The following DNAH8 variants were observed in gnomAD, a reference collection of about 807,000 sequenced individuals.
The protein encoded by DNAH8 is dynein axonemal heavy chain 8, also known as axonemal beta dynein heavy chain 8.
Under a neutral mutation model 562.1 loss-of-function variants are expected in DNAH8, and 382 were observed. The observed-to-expected ratio is 0.68, with a 90% CI of 0.63 to 0.74. The LOEUF is 0.74. Ranked by LOEUF, DNAH8 falls within the 30% of genes least tolerant of loss-of-function variation. The pLI, the probability that DNAH8 is intolerant of heterozygous loss-of-function variation, is 0.00. For synonymous variants in DNAH8, 1,881 were observed against 1,919.4 expected (o/e 0.98, Z 0.52); for missense variants, 5,203 against 5,620.4 (o/e 0.93, Z 2.37).
chr6:38,814,061 G>A lies in DNAH8; in HGVS notation c.3265G>A (p.Gly1089Arg), dbSNP rs1416964895. The A allele has an allele frequency of 1.9e-6, 3 of 1,589,526 alleles. No homozygotes were observed. The South Asian group carries it at 3.4e-5, about 18-fold the overall frequency. ...ATGTCCATCTCATTGCAGCCTTTATGGGCGAAAGCAGTCAGAAGATATTAT... is the reference window on the plus strand; with the variant it reads ...ATGTCCATCTCATTGCAGCCTTTATAGGCGAAAGCAGTCAGAAGATATTAT... Reference protein sequence around the residue: ...KRRIFVASLYGRKQSEDIISF... With the variant: ...KRRIFVASLYRRKQSEDIISF... Residue 1089 changes from glycine to arginine, a missense_variant, in exon 25 of 93, where the codon GGG becomes AGG. Physicochemically the swap from Gly to Arg is moderately radical, Grantham distance 125. Around this residue, in one of 6 missense-constraint regions of DNAH8, gnomAD observed 2,176 missense variants for 2,365.1 expected, o/e 0.92. Coordinates refer to ENST00000327475, the MANE Select transcript of DNAH8 (RefSeq NM_001206927.2).
chr6:38,768,254 T>A (rs148734516), intron 11 of DNAH8, among the ~76,000 whole-genome samples: 415 of 152,232 alleles, frequency 2.7e-3, no homozygotes, highest in Middle Eastern at 0.027. Flanking sequence ...CTATTGCTTA[T>A]TTGTCTATTT....
rs1293883888 is a variant in DNAH8, at chr6:38,842,771, T to G, written c.4713T>G (p.Asn1571Lys). ...GTCCTCTACTGGAAATGATGACCAA[T>G]AAGGCCATGAAACAGAGACACTGGG... ...ESCPLLEMMT[N>K]KAMKQRHWDR... The change falls in exon 35 of 93, where the codon AAT becomes AAG. Residue 1571 changes from asparagine to lysine, a missense_variant. Transcript: ENST00000327475. 3 of 1,613,954 alleles carry G rather than the reference T, an allele frequency of 1.9e-6. No individual in the cohort carries two copies. Among genetic ancestry groups the G allele is most frequent in the Non-Finnish European group, 2.5e-6 (3 of 1,179,916 alleles).
At position 38,815,644 on chromosome 6, in the gene DNAH8, G is replaced by T; in HGVS notation, c.3510G>T (p.Leu1170=). ...CCCATCAAAACACAGGAAAACTGCTGAAGAAGGAAGAAAGTAAGAATGTAA... is the reference window on the plus strand; with the variant it reads ...CCCATCAAAACACAGGAAAACTGCTTAAGAAGGAAGAAAGTAAGAATGTAA... ...DVTHQNTGKL[L]KKEERSFEEA... The change falls in exon 26 of 93, where the codon CTG becomes CTT. Residue 1170 remains leucine, a synonymous_variant. Transcript: ENST00000327475. 1 of 1,611,832 alleles carries T rather than the reference G, an allele frequency of 6.2e-7. No homozygotes were observed. Among genetic ancestry groups the T allele is most frequent in the Non-Finnish European group, 8.5e-7 (1 of 1,178,564 alleles).
At chr6:38,787,284 A>T (rs1218527062) in intron 18 of DNAH8, among the ~76,000 whole-genome samples, 1 of 152,168 alleles carries the variant, frequency 6.6e-6, no homozygotes, top group African/African-American at 2.4e-5. Flanking sequence ...TATTTATAAG[A>T]TATAAATTAA....
intron 31 of DNAH8, among the ~76,000 whole-genome samples, chr6:38,832,918 G>A (rs1043907030): frequency 3.3e-5 from 5 of 152,000 alleles, no homozygotes; most frequent in Non-Finnish European, 7.4e-5. Flanking sequence ...GTCTTTTCTC[G>A]GGGGCTGAAT....
intron 9 of DNAH8, among the ~76,000 whole-genome samples, chr6:38,755,477 C>G (rs1765829148): frequency 6.6e-6 from 1 of 152,100 alleles, no homozygotes; most frequent in Admixed American, 6.6e-5. Flanking sequence ...ATCTTCAGAG[C>G]CTAATGGCAC....
intron 88 of DNAH8, among the ~76,000 whole-genome samples, chr6:39,002,879 T>G: frequency 6.6e-6 from 1 of 152,216 alleles, no homozygotes; most frequent in Non-Finnish European, 1.5e-5. Flanking sequence ...GACTGAAAGT[T>G]CTGTATGTGA....
chr6:38,949,383 C>T, intron 80 of DNAH8, 69 bp from the exon 81 acceptor site: 1 of 972,612 alleles, frequency 1.0e-6, no homozygotes, highest in Non-Finnish European at 1.7e-6. Context: ...TCAGGTGATT[C>T]AGAATCCTTT....
intron 21 of DNAH8, 96 bp from the exon 22 acceptor site, chr6:38,803,082 AG>A (rs1770923732): frequency 2.4e-6 from 2 of 818,548 alleles, no homozygotes; most frequent in Non-Finnish European, 3.5e-6. Context: ...TTTCAAGTGA[AG>A]TTAATTATAG....
chr6:38,835,025 T>G (rs1774162377), intron 32 of DNAH8, among the ~76,000 whole-genome samples: 1 of 152,204 alleles, frequency 6.6e-6, no homozygotes, highest in African/African-American at 2.4e-5. Context: ...ATCCATCTCT[T>G]TAAGTTTCCC....
chr6:38,889,087 T>C (rs530792443), intron 57 of DNAH8, among the ~76,000 whole-genome samples: 8 of 152,238 alleles, frequency 5.3e-5, no homozygotes, highest in Admixed American at 5.2e-4. Context: ...ATGCTCATAG[T>C]GCAGCGTACA....
At chr6:38,800,460 A>C (rs995610824) in intron 21 of DNAH8, among the ~76,000 whole-genome samples, 34 of 152,052 alleles carry the variant, frequency 2.2e-4, no homozygotes, top group African/African-American at 6.0e-4. Flanking sequence ...GTGGTATCTC[A>C]GGGTGGTTTT....
At chr6:38,923,210 A>G in intron 72 of DNAH8, 25 bp downstream of exon 72, 1 of 1,610,260 alleles carries the variant, frequency 6.2e-7, no homozygotes, top group East Asian at 2.2e-5. Flanking sequence ...CTTCTTCATA[A>G]TCACTCTTTC....
chr6:38,972,232 A>G lies in DNAH8; in HGVS notation c.12525+567A>G, dbSNP rs377648525. ...GTAGATAGCCATTTCAGCTGTAATA[A>G]GAAATTATACCATTTATAAAAATAA... On this transcript the variant is annotated intron_variant, in intron 83 of 92. Transcript: ENST00000327475. Among the ~76,000 whole-genome samples, 34 of 152,352 alleles carry G rather than the reference A, an allele frequency of 2.2e-4. No homozygotes were observed. The East Asian group carries it at 3.9e-3, about 17-fold the overall frequency.
chr6:38,865,773 G>C (rs1776985914), intron 45 of DNAH8, among the ~76,000 whole-genome samples: 1 of 152,240 alleles, frequency 6.6e-6, no homozygotes, highest in South Asian at 2.1e-4. Context: ...GTGGGCTCCT[G>C]TGGCTCAGGA....
intron 87 of DNAH8, among the ~76,000 whole-genome samples, chr6:38,984,652 G>A (rs1764260948): frequency 6.6e-6 from 1 of 152,118 alleles, no homozygotes; most frequent in Non-Finnish European, 1.5e-5. Context: ...GTAGCCGGGC[G>A]TGGTGGTGAG....
rs1297488496 is a variant in DNAH8 at position 38,853,249 on chromosome 6, C to G, written c.5635C>G (p.Gln1879Glu). The change falls in exon 41 of 93, where the codon CAG (glutamine) becomes GAG (glutamate). Residue 1879 changes from glutamine (Q) to glutamate (E), a missense_variant. Physicochemically the swap from Gln to Glu is conservative, Grantham distance 29. This residue lies in a region of DNAH8 where 2,176 missense variants were observed against 2,365.1 expected (regional missense o/e 0.92). Transcript: ENST00000327475. ...EIWLLDLLKM[Q>E]MSSLHNIIRS... ...TTGGCTACTGGATTTGTTAAAAATG[C>G]AGATGTCATCATTACATAATATAAT... 6.2e-7 allele frequency: 1 copy of G among 1,612,942 alleles called. No individual in the cohort carries two copies. The highest frequency in any genetic ancestry group is 2.2e-5 in the East Asian group (1 of 44,794).
At chr6:38,933,504 G>A (rs888940132) in intron 76 of DNAH8, among the ~76,000 whole-genome samples, 2 of 152,062 alleles carry the variant, frequency 1.3e-5, no homozygotes, top group African/African-American at 2.4e-5. Flanking sequence ...TCCTAGATAA[G>A]GTTTACAGGT....
Position 38,814,098 on chromosome 6 carries a change from A to G in DNAH8, c.3302A>G (p.Lys1101Arg). ...KQSEDIISFI[K>R]SEVHLAIPNV... Reference sequence around the variant, plus strand: ...TCAGAAGATATTATTTCCTTTATAAAAAGTGAAGTACATCTTGCAATTCCT... The same window carrying G: ...TCAGAAGATATTATTTCCTTTATAAGAAGTGAAGTACATCTTGCAATTCCT... The change falls in exon 25 of 93, where the codon AAA (lysine) becomes AGA (arginine). Residue 1101 changes from lysine (K) to arginine (R), a missense_variant. Around this residue, in one of 6 missense-constraint regions of DNAH8, gnomAD observed 2,176 missense variants for 2,365.1 expected, o/e 0.92. Coordinates refer to ENST00000327475, the MANE Select transcript of DNAH8 (RefSeq NM_001206927.2). 1 of 1,582,208 alleles carries G rather than the reference A, an allele frequency of 6.3e-7. No homozygotes were observed. Among genetic ancestry groups the G allele is most frequent in the Non-Finnish European group, 8.7e-7 (1 of 1,152,806 alleles).
Sources: allele counts gnomAD v4.1 joint callset (sites outside exome capture counted in the v4.1 genomes callset), GRCh38; gene constraint gnomAD v4.1.1; regional missense constraint gnomAD v4.1.1; transcripts MANE v1.5; gene names NCBI Gene and HGNC (gene_info 2026-07-23, HGNC 2026-07-21).